Variants in LITAF observed in about 807,000 individuals in gnomAD.
LITAF encodes lipopolysaccharide-induced tumor necrosis factor-alpha factor.
A neutral mutation model predicts 14.5 loss-of-function variants in LITAF; 9 were observed. The ratio of observed to expected loss-of-function variants is 0.62; its 90% CI spans 0.37 to 1.08. The LOEUF (loss-of-function observed/expected upper bound fraction) is 1.08. Among genes scored for constraint, LITAF ranks in the 50% least tolerant of loss-of-function variants. The pLI is 0.01. For missense variants in LITAF, 206 were observed against 213.4 expected, an observed-to-expected ratio of 0.97 and a Z score of 0.22; for synonymous variants, 98 against 88.2, an observed-to-expected ratio of 1.11 and a Z score of -0.62.
chr16:11,593,606 C>G (rs374312189), intron 1 of LITAF, among the ~76,000 whole-genome samples: 5 of 152,108 alleles, frequency 3.3e-5, no homozygotes, highest in Non-Finnish European at 5.9e-5. Flanking sequence ...AATGAATGGA[C>G]AGACAAAAAT....
chr16:11,570,396 C>G lies in LITAF; in HGVS notation c.-5-13661G>C, dbSNP rs531231838. The stretch of plus-strand genomic sequence containing the variant: ...TGTGAGAGGCAGGAGGACCCAGGCA[C>G]AGACCTCATCCCGCCACAGGGACCT... On this transcript the variant is annotated intron_variant, in intron 1 of 3. Coordinates refer to ENST00000622633, the MANE Select transcript of LITAF (RefSeq NM_001136472.2). Among the ~76,000 whole-genome samples, 28 of 152,312 alleles carry G rather than the reference C, an allele frequency of 1.8e-4. 1 individual carries two copies. The South Asian group carries it at 5.8e-3, about 32-fold the overall frequency.
chr16:11,552,977 T>C (rs764954561), intron 3 of LITAF, among the ~76,000 whole-genome samples: 2 of 150,682 alleles, frequency 1.3e-5, no homozygotes, highest in Admixed American at 1.3e-4. Flanking sequence ...TAGCCGGGCC[T>C]GACGGTGCAC....
chr16:11,548,365 C>A lies in LITAF; in HGVS notation c.*1272G>T, dbSNP rs1317315666. 2.2e-6 allele frequency: 1 copy of A among 453,942 alleles called. No individual in the cohort carries two copies. Among genetic ancestry groups the A allele is most frequent in the Non-Finnish European group, 4.4e-6 (1 of 226,808 alleles). 28.1% of individuals were successfully genotyped at this position (453,942 alleles called of 1,614,324 possible). ...TCATGTTTTACAACAAGCTGTGTCT[C>A]TGAAAACTAAAATCAGACTTTAGAT... On this transcript the variant is annotated 3_prime_UTR_variant, in exon 4 of 4. Transcript: ENST00000622633.
At chr16:11,623,004 C>T (rs965857954) in intron 3 of LITAF, among the ~76,000 whole-genome samples, 11 of 150,940 alleles carry the variant, frequency 7.3e-5, no homozygotes, top group Middle Eastern at 3.4e-3. Context: ...CTCGCTCTGT[C>T]GCCCAGGCTG....
Position 11,585,023 on chromosome 16 carries a change from C to G in LITAF, c.-6+1863G>C, listed in dbSNP as rs137856712. ...AGAAGTTCGAAAACAGCCTGGCCAA[C>G]ATGGCAAAACTCTGTCTCTACTAAA... On this transcript the variant is annotated intron_variant, in intron 1 of 3. Transcript: ENST00000622633. Among the ~76,000 whole-genome samples the G allele has an allele frequency of 1.4e-3, 218 of 152,238 alleles. 1 individual carries two copies. Among genetic ancestry groups the G allele is most frequent in the African/African-American group, 4.6e-3 (193 of 41,542 alleles).
In LITAF at chr16:11,549,403, G is replaced by C. The variant is rs1370604103; in HGVS notation, c.*234C>G. The C allele has an allele frequency of 1.7e-6, 1 of 575,192 alleles. No homozygotes were observed. The highest frequency in any genetic ancestry group is 3.3e-6 in the Non-Finnish European group (1 of 303,758). 35.6% of individuals were successfully genotyped at this position (575,192 alleles called of 1,614,324 possible). ...GGTCTCAGGGAGGCAGGAAACCGTG[G>C]AACTGACACTCAAGGGGAATGTCTT... On this transcript the variant is annotated 3_prime_UTR_variant, in exon 4 of 4. Coordinates refer to ENST00000622633, the MANE Select transcript of LITAF (RefSeq NM_001136472.2). This position sits in a 1 kb window ranked among gnomAD's most constrained non-coding sequence, Gnocchi z 4.6.
intron 1 of LITAF, among the ~76,000 whole-genome samples, chr16:11,566,604 C>A (rs1473274711): frequency 6.6e-6 from 1 of 152,012 alleles, no homozygotes; most frequent in African/African-American, 2.4e-5. Context: ...TCTCTACTAA[C>A]AATCAAACAA....
intron 1 of LITAF, among the ~76,000 whole-genome samples, chr16:11,569,107 G>A (rs1296985157): frequency 6.6e-6 from 1 of 152,218 alleles, no homozygotes; most frequent in East Asian, 1.9e-4. Flanking sequence ...GTCCAAGGCT[G>A]AGAACTGCCC....
At chr16:11,636,840 T>C (rs1223038928), upstream of LITAF, among the ~76,000 whole-genome samples, 1 of 152,176 alleles carries the variant, frequency 6.6e-6, no homozygotes, top group Non-Finnish European at 1.5e-5. Flanking sequence ...GAGGACTCTG[T>C]TGCCCTTACT....
chr16:11,610,960 G>A (rs11641991), intron 3 of LITAF, among the ~76,000 whole-genome samples: 54,634 of 151,692 alleles, frequency 0.36, 11,996 homozygotes, highest in Middle Eastern at 0.49. Context: ...CTCTCCCCCA[G>A]CTACCGAAAT....
Position 11,549,339 on chromosome 16 carries a change from C to A in LITAF, c.*298G>T, listed in dbSNP as rs752104689. On this transcript the variant is annotated 3_prime_UTR_variant, in exon 4 of 4. Transcript: ENST00000622633. The surrounding 1 kb of genome is among the most constrained non-coding windows in gnomAD (Gnocchi z 4.6). ...TGATGGCAGATCACAGGAAGATATT[C>A]GGATAGGGCAATGATCACAGTTAGA... 4.2e-6 allele frequency: 2 copies of A among 474,638 alleles called. No homozygotes were observed. The highest frequency in any genetic ancestry group is 8.4e-6 in the Non-Finnish European group (2 of 239,136). The allele number at this position is 474,638 out of a possible 1,614,324, so 29.4% of individuals were successfully genotyped here. A position where few individuals can be genotyped will look rare whatever the true frequency, so the allele number is the denominator to read the frequency against.
At chr16:11,573,479 C>G (rs1289143328) in intron 1 of LITAF, among the ~76,000 whole-genome samples, 2 of 152,186 alleles carry the variant, frequency 1.3e-5, no homozygotes, top group Non-Finnish European at 2.9e-5. Flanking sequence ...ATGACAAGCA[C>G]ATGGGGTATT....
chr16:11,627,255 C>T (rs1247582470), intron 3 of LITAF, among the ~76,000 whole-genome samples: 3 of 152,180 alleles, frequency 2.0e-5, no homozygotes, highest in African/African-American at 4.8e-5. Flanking sequence ...TTGAATAAGA[C>T]GAATTCTTTA....
chr16:11,595,842 C>T (rs1051670230), intron 1 of LITAF, among the ~76,000 whole-genome samples: 2 of 152,200 alleles, frequency 1.3e-5, no homozygotes, highest in Admixed American at 6.5e-5. Context: ...AAGTATGTCC[C>T]AAATGCTGTG....
upstream of LITAF, among the ~76,000 whole-genome samples, chr16:11,588,030 C>T (rs116646677): frequency 8.3e-4 from 127 of 152,162 alleles, no homozygotes; most frequent in African/African-American, 3.0e-3. Flanking sequence ...GTCCCGGGTC[C>T]CTCAGCAAAG....
intron 3 of LITAF, among the ~76,000 whole-genome samples, chr16:11,614,635 T>C (rs2065005692): frequency 6.6e-6 from 1 of 152,060 alleles, no homozygotes; most frequent in African/African-American, 2.4e-5. Flanking sequence ...GGTCTTACTC[T>C]GTCACCCAGA....
At position 11,548,690 on chromosome 16, in the gene LITAF, T is replaced by C. The variant is rs747243389; in HGVS notation, c.*947A>G. The C allele has an allele frequency of 6.6e-6, 3 of 453,946 alleles. No individual in the cohort carries two copies. The highest frequency in any genetic ancestry group is 4.7e-5 in the South Asian group (3 of 64,420). The allele number at this position is 453,946 out of a possible 1,614,324, so 28.1% of individuals were successfully genotyped here. A position where few individuals can be genotyped will look rare whatever the true frequency, so the allele number is the denominator to read the frequency against. On this transcript the variant is annotated 3_prime_UTR_variant, in exon 4 of 4. Transcript: ENST00000622633. Reference sequence around the variant, plus strand: ...TATAAATCCTCCTCTTGAAATTATGTTCAGGCCCAGCATGGTAGCTTATGC... The same window carrying C: ...TATAAATCCTCCTCTTGAAATTATGCTCAGGCCCAGCATGGTAGCTTATGC...
chr16:11,559,890 G>C (rs898967081), intron 1 of LITAF, among the ~76,000 whole-genome samples: 1 of 151,658 alleles, frequency 6.6e-6, no homozygotes, highest in Admixed American at 6.6e-5. Flanking sequence ...AGCTACTTGG[G>C]AGGCTGAGGT....
Position 11,547,774 on chromosome 16 carries a change from A to G in LITAF, c.*1863T>C, listed in dbSNP as rs893749886. ...TGAAAGCTATGGCTTGCCGCCATCAATGACGCCTATTGGGTTCCAATAGCC... is the reference window on the plus strand; with the variant it reads ...TGAAAGCTATGGCTTGCCGCCATCAGTGACGCCTATTGGGTTCCAATAGCC... On this transcript the variant is annotated 3_prime_UTR_variant, in exon 4 of 4. Coordinates refer to ENST00000622633, the MANE Select transcript of LITAF (RefSeq NM_001136472.2). The G allele has an allele frequency of 3.1e-5, 14 of 453,804 alleles. No homozygotes were observed. Among genetic ancestry groups the G allele is most frequent in the East Asian group, 2.1e-4 (3 of 14,394 alleles). The allele number at this position is 453,804 out of a possible 1,614,324, so 28.1% of individuals were successfully genotyped here.
Sources: gnomAD v4.1 joint callset for allele counts (sites outside exome capture counted in the v4.1 genomes callset) on GRCh38, gnomAD v4.1.1 for gene constraint, Gnocchi (gnomAD v3.1) non-coding constraint, MANE v1.5 for transcripts, NCBI Gene and HGNC (gene_info 2026-07-23, HGNC 2026-07-21) for gene names.